The following DSG1 variants were observed in gnomAD, a reference collection of about 807,000 sequenced individuals.
The protein encoded by DSG1 is desmoglein 1, also known as desmoglein-1.
A neutral mutation model predicts 97.5 loss-of-function variants in DSG1; 39 were observed. That is an observed-to-expected ratio of 0.40 (90% CI 0.31 to 0.52). The LOEUF (loss-of-function observed/expected upper bound fraction) is 0.52, where lower values mean the gene tolerates loss of function less well. DSG1 is among the 20% of genes least tolerant of loss of function. DSG1 has a pLI of 0.53. For synonymous variants in DSG1, 475 were observed against 443.4 expected (o/e 1.07, Z -0.90); for missense variants, 1,311 against 1,295.4 (o/e 1.01, Z -0.18).
chr18:31,340,109 C>A, intron 11 of DSG1, 84 bp downstream of exon 11: 3 of 1,372,906 alleles, frequency 2.2e-6, no homozygotes, highest in South Asian at 1.3e-5. Context: ...TTTGATAAAA[C>A]GTATTTTACA....
chr18:31,332,848 C>T (rs1172759786), intron 6 of DSG1, among the ~76,000 whole-genome samples: 1 of 152,120 alleles, frequency 6.6e-6, no homozygotes, highest in Non-Finnish European at 1.5e-5. Flanking sequence ...ACTTTTCTCT[C>T]TCAAACTGTC....
intron 13 of DSG1, among the ~76,000 whole-genome samples, chr18:31,344,551 T>C (rs1259922240): frequency 1.3e-5 from 2 of 152,242 alleles, no homozygotes; most frequent in Admixed American, 6.5e-5. Context: ...GTCCAATTTC[T>C]TTAATTGAAA....
chr18:31,328,265 G>C lies in DSG1; in HGVS notation c.293G>C (p.Gly98Ala), dbSNP rs752467784. 2.5e-6 allele frequency: 4 copies of C among 1,613,464 alleles called. No individual in the cohort carries two copies. In the Admixed American group the frequency reaches 6.7e-5, roughly 27 times the overall value. The stretch of plus-strand genomic sequence containing the variant: ...GTAGGAATTGATCAGCCACCATATG[G>C]GATCTTTGTCATTAATCAGAAAACT... ...SGVGIDQPPYGIFVINQKTGE... is the reference protein window; with the variant it reads ...SGVGIDQPPYAIFVINQKTGE... Residue 98 changes from glycine to alanine, a missense_variant, in exon 4 of 15, where the codon GGG becomes GCG. Coordinates refer to ENST00000257192, the MANE Select transcript of DSG1 (RefSeq NM_001942.4).
chr18:31,343,324 C>T (rs2071802524), intron 11 of DSG1, 126 bp from the exon 12 acceptor site: 1 of 1,380,846 alleles, frequency 7.2e-7, no homozygotes, highest in East Asian at 2.3e-5. Flanking sequence ...TATTCTGAAA[C>T]TTTCATAATT....
rs145872141 is a variant in DSG1 at position 31,357,656 on chromosome 18, C to T, written c.*2310C>T. Among the ~76,000 whole-genome samples the T allele has an allele frequency of 4.8e-3, 725 of 152,000 alleles. 6 individuals are homozygous for T. Among genetic ancestry groups the T allele is most frequent in the African/African-American group, 0.017 (691 of 41,516 alleles). The stretch of plus-strand genomic sequence containing the variant: ...TGTTAAGATCCCCCCAATTTAGTTA[C>T]ATCTGAACTCCTAAACACTGTTAAA... On this transcript the variant is annotated 3_prime_UTR_variant, in exon 15 of 15. Transcript: ENST00000257192.
chr18:31,343,389 T>G, intron 11 of DSG1, 61 bp from the exon 12 acceptor site: 1 of 1,596,260 alleles, frequency 6.3e-7, no homozygotes, highest in Non-Finnish European at 8.6e-7. Flanking sequence ...AAAAATCAGG[T>G]TGTTTTGTTT....
chr18:31,328,712 T>C (rs1265315834), intron 4 of DSG1, among the ~76,000 whole-genome samples: 1 of 152,168 alleles, frequency 6.6e-6, no homozygotes, highest in Non-Finnish European at 1.5e-5. Flanking sequence ...GACTGTTTTC[T>C]GAGCAAATAT....
chr18:31,344,723 A>AATTTC (rs1336401490), intron 13 of DSG1, among the ~76,000 whole-genome samples: 3 of 152,320 alleles, frequency 2.0e-5, no homozygotes, highest in Non-Finnish European at 4.4e-5. Flanking sequence ...GAATAATTAG[A>AATTTC]ATTTCACAGT....
intron 1 of DSG1, among the ~76,000 whole-genome samples, chr18:31,318,727 T>TA (rs1230974834): frequency 2.6e-5 from 3 of 116,928 alleles, no homozygotes; most frequent in Non-Finnish European, 4.1e-5. Flanking sequence ...ACCTGTTTTT[T>TA]TTTTTATTTT....
At chr18:31,343,615 G>C in intron 12 of DSG1, 32 bp downstream of exon 12, 1 of 1,614,086 alleles carries the variant, frequency 6.2e-7, no homozygotes, top group Non-Finnish European at 8.5e-7. Context: ...ATAGCCGTTG[G>C]TAGTCACTGA....
At chr18:31,342,345 T>C (rs991213102) in intron 11 of DSG1, among the ~76,000 whole-genome samples, 3 of 152,194 alleles carry the variant, frequency 2.0e-5, no homozygotes, top group Non-Finnish European at 1.5e-5. Flanking sequence ...TTTCCTCTAG[T>C]AGATTTTCAG....
At chr18:31,333,284 C>A (rs2071731632) in intron 6 of DSG1, among the ~76,000 whole-genome samples, 1 of 152,142 alleles carries the variant, frequency 6.6e-6, no homozygotes, top group African/African-American at 2.4e-5. Context: ...TTTTGGTAAA[C>A]TTAATCTCTC....
chr18:31,326,679 T>C, intron 2 of DSG1, 63 bp downstream of exon 2: 2 of 1,448,194 alleles, frequency 1.4e-6, no homozygotes, highest in Admixed American at 1.7e-5. Context: ...AGAATAACAA[T>C]ATGTTTTCTG....
At chr18:31,353,494 C>G (rs2144124585) in intron 14 of DSG1, among the ~76,000 whole-genome samples, 1 of 152,262 alleles carries the variant, frequency 6.6e-6, no homozygotes, top group East Asian at 1.9e-4. Flanking sequence ...GTGGTGGGCT[C>G]CACCCAGTTC....
At chr18:31,320,119 T>G (rs2071644369) in intron 1 of DSG1, among the ~76,000 whole-genome samples, 1 of 152,188 alleles carries the variant, frequency 6.6e-6, no homozygotes, top group Non-Finnish European at 1.5e-5. Context: ...AAATTTATTT[T>G]AAGTACAGAT....
intron 6 of DSG1, among the ~76,000 whole-genome samples, chr18:31,333,011 A>T (rs1306624703): frequency 6.6e-6 from 1 of 152,168 alleles, no homozygotes; most frequent in African/African-American, 2.4e-5. Context: ...AGACCTCAAG[A>T]TGTCTCTATA....
intron 4 of DSG1, among the ~76,000 whole-genome samples, chr18:31,329,249 A>G (rs7235951): frequency 0.41 from 62,653 of 151,710 alleles, 14,178 homozygotes; most frequent in Non-Finnish European, 0.5. Flanking sequence ...GTCATGGCCA[A>G]CACTTCTTAA....
chr18:31,346,100 A>G lies in DSG1; in HGVS notation c.2002A>G (p.Ile668Val). ...EGVKTSGMPE[I>V]CQEYSGTLRR... ...AGTTAAAACTTCAGGAATGCCTGAG[A>G]TATGTCAAGAATACTCTGGAACATT... Residue 668 changes from isoleucine to valine, a missense_variant, in exon 14 of 15, where the codon ATA becomes GTA. This residue lies in a region of DSG1 where 1,038 missense variants were observed against 964.6 expected (regional missense o/e 1.08). Transcript: ENST00000257192. The G allele has an allele frequency of 6.2e-7, 1 of 1,613,574 alleles. No homozygotes were observed. The highest frequency in any genetic ancestry group is 1.7e-5 in the Admixed American group (1 of 60,010).
In DSG1 at chr18:31,340,017, T is replaced by C. The variant is rs773374078; in HGVS notation, c.1679T>C (p.Val560Ala). The C allele has an allele frequency of 1.2e-6, 2 of 1,614,054 alleles. No homozygotes were observed. Among genetic ancestry groups the C allele is most frequent in the Non-Finnish European group, 1.7e-6 (2 of 1,179,964 alleles). The change falls in exon 11 of 15, where the codon GTC becomes GCC. Residue 560 changes from valine to alanine, a missense_variant. Around this residue, in one of 3 missense-constraint regions of DSG1, gnomAD observed 1,038 missense variants for 964.6 expected, o/e 1.08. Coordinates refer to ENST00000257192, the MANE Select transcript of DSG1 (RefSeq NM_001942.4). Reference protein sequence around the residue: ...GIGLLIMGFLVLGLVPFLMIC... With the variant: ...GIGLLIMGFLALGLVPFLMIC... ...GGACTCCTCATCATGGGATTCTTGG[T>C]CTTAGGATGTAAGTACTTTAGCAAT...
Sources: gnomAD v4.1 joint callset for allele counts (sites outside exome capture counted in the v4.1 genomes callset) on GRCh38, gnomAD v4.1.1 for gene constraint, gnomAD v4.1.1 regional missense constraint, MANE v1.5 for transcripts, NCBI Gene and HGNC (gene_info 2026-07-23, HGNC 2026-07-21) for gene names.